The following TSNARE1 variants were observed in gnomAD, a reference collection of about 807,000 sequenced individuals.
TSNARE1 encodes t-SNARE domain containing 1, also known as t-SNARE domain-containing protein 1.
Under a neutral mutation model 62.0 loss-of-function variants are expected in TSNARE1, and 49 were observed. The ratio of observed to expected loss-of-function variants is 0.79; its 90% CI spans 0.63 to 1.00. The LOEUF is 1.00. TSNARE1 is among the 50% of genes least tolerant of loss of function. The pLI is 0.00. For missense variants in TSNARE1, 755 were observed against 700.1 expected (o/e 1.08, Z -0.88); for synonymous variants, 328 against 294.4 (o/e 1.11, Z -1.17).
At chr8:142,390,675 G>A (rs1372112080) in intron 1 of TSNARE1, among the ~76,000 whole-genome samples, 1 of 4,644 alleles carries the variant, frequency 2.2e-4, no homozygotes, top group Non-Finnish European at 4.1e-4. Context: ...GGGGGACTCC[G>A]TAACAGACGC....
At chr8:142,212,513 A>G (rs1412227161) in intron 13 of TSNARE1, among the ~76,000 whole-genome samples, 200 bp from the exon 14 acceptor site, 1 of 151,952 alleles carries the variant, frequency 6.6e-6, no homozygotes, top group East Asian at 1.9e-4. Flanking sequence ...GTCAGGCTCC[A>G]CGCAGGCCTC....
chr8:142,375,738 C>T (rs13256100), intron 1 of TSNARE1, among the ~76,000 whole-genome samples: 1,689 of 152,340 alleles, frequency 0.011, 15 homozygotes, highest in African/African-American at 0.025. Flanking sequence ...CCAAACTCCC[C>T]GCACAGAGAC....
chr8:142,300,289 C>T (rs1825493270), intron 10 of TSNARE1, 197 bp downstream of exon 10: 2 of 575,514 alleles, frequency 3.5e-6, no homozygotes, highest in Non-Finnish European at 5.8e-6. Context: ...GATGGGGCTC[C>T]CAGACTCCCG....
At chr8:142,332,454 G>A (rs1831194298) in intron 4 of TSNARE1, among the ~76,000 whole-genome samples, 1 of 149,486 alleles carries the variant, frequency 6.7e-6, no homozygotes, top group Admixed American at 6.6e-5. Context: ...TTTTGGGGGT[G>A]ATGGAAACAT....
intron 2 of TSNARE1, among the ~76,000 whole-genome samples, chr8:142,351,639 G>A (rs983895624): frequency 2.0e-5 from 3 of 152,112 alleles, no homozygotes; most frequent in Non-Finnish European, 4.4e-5. Flanking sequence ...ACATCAAACC[G>A]CCAAACATAC....
rs73370368 is a variant in TSNARE1 at position 142,337,404 on chromosome 8, G to A, written c.746-5573C>T. 7.9e-3 allele frequency among the ~76,000 whole-genome samples: 1,204 copies of A among 152,290 alleles called. 15 individuals are homozygous for A. Among genetic ancestry groups the A allele is most frequent in the Middle Eastern group, 0.027 (8 of 294 alleles). On this transcript the variant is annotated intron_variant, in intron 4 of 13. Coordinates refer to ENST00000524325, the MANE Select transcript of TSNARE1 (RefSeq NM_145003.5). ...ACAGAAATGCTCACAGCCTCTTTCC[G>A]CCTAACAGCCAAAAGCTGGAGAACG...
chr8:142,313,168 G>T (rs1827887974), intron 9 of TSNARE1, among the ~76,000 whole-genome samples: 1 of 150,930 alleles, frequency 6.6e-6, no homozygotes, highest in Non-Finnish European at 1.5e-5. Flanking sequence ...CTGTGTCTCT[G>T]TGTGTTTATC....
intron 6 of TSNARE1, chr8:142,326,072 G>T (rs1161883670): frequency 5.9e-6 from 1 of 169,090 alleles, no homozygotes; most frequent in African/African-American, 2.6e-5. Flanking sequence ...TGAAGGCCCC[G>T]GAGAGCACGA....
At chr8:142,308,011 T>C (rs1050461777) in intron 9 of TSNARE1, among the ~76,000 whole-genome samples, 2 of 152,214 alleles carry the variant, frequency 1.3e-5, no homozygotes, top group African/African-American at 2.4e-5. Flanking sequence ...ATCACAGGCT[T>C]ATGAGCCAAC....
rs545687689 is a variant in TSNARE1 at position 142,361,274 on chromosome 8, G to A, written c.-39-6511C>T. ...TCCAGATGGGGACAGACGGGAAAGC[G>A]GCATCGTGCTTGTCCCATGGGGGAG... On this transcript the variant is annotated intron_variant, in intron 1 of 13. Coordinates refer to ENST00000524325, the MANE Select transcript of TSNARE1 (RefSeq NM_145003.5). Among the ~76,000 whole-genome samples the A allele has an allele frequency of 7.9e-5, 12 of 152,356 alleles. No homozygotes were observed. In the East Asian group the frequency reaches 1.4e-3, roughly 17 times the overall value.
intron 4 of TSNARE1, among the ~76,000 whole-genome samples, chr8:142,332,032 A>G (rs1169408673): frequency 6.6e-6 from 1 of 152,208 alleles, no homozygotes; most frequent in East Asian, 1.9e-4. Flanking sequence ...AGTACCTTCA[A>G]GCTGGAAGGA....
intron 13 of TSNARE1, among the ~76,000 whole-genome samples, chr8:142,223,778 G>A (rs918550262): frequency 3.9e-5 from 6 of 152,224 alleles, no homozygotes; most frequent in African/African-American, 9.6e-5. Context: ...GCAGGTGCAG[G>A]GGCTTGGGTC....
intron 1 of TSNARE1, among the ~76,000 whole-genome samples, chr8:142,357,750 CA>C (rs1834857251): frequency 6.6e-6 from 1 of 152,202 alleles, no homozygotes; most frequent in South Asian, 2.1e-4. Context: ...GGGCTACATG[CA>C]GAACGCGAGT....
At chr8:142,280,249 G>A (rs1821197794) in intron 11 of TSNARE1, 2 of 985,378 alleles carry the variant, frequency 2.0e-6, no homozygotes, top group Non-Finnish European at 2.4e-6. Context: ...GCCCGGCCCG[G>A]CACCCAGCAG....
At chr8:142,288,688 G>C (rs1212505041) in intron 10 of TSNARE1, among the ~76,000 whole-genome samples, 1 of 152,268 alleles carries the variant, frequency 6.6e-6, no homozygotes, top group African/African-American at 2.4e-5. Context: ...GGGGGTGGGG[G>C]CATGTTCTCT....
intron 1 of TSNARE1, among the ~76,000 whole-genome samples, chr8:142,398,528 C>T (rs1838062528): frequency 6.6e-6 from 1 of 152,086 alleles, no homozygotes; most frequent in South Asian, 2.1e-4. Context: ...TCTCCACCTC[C>T]TCACTCCACC....
intron 11 of TSNARE1, among the ~76,000 whole-genome samples, chr8:142,282,750 A>AAGGCGGGGTCAGTGTCTGCCAATGAGCAG (rs1460821227): frequency 1.1e-5 from 1 of 89,726 alleles, no homozygotes; most frequent in African/African-American, 4.5e-5. Context: ...TCTAAGGGCA[A>AAGGCGGGGTCAGTGTCTGCCAATGAGCAG]AGGCGGGGTC....
chr8:142,251,693 C>T (rs113270066), intron 12 of TSNARE1, among the ~76,000 whole-genome samples: 2,974 of 151,890 alleles, frequency 0.02, 82 homozygotes, highest in African/African-American at 0.061. Flanking sequence ...CCACCGCCCG[C>T]GTTCTCTATC....
At chr8:142,265,808 C>T (rs983301290) in intron 12 of TSNARE1, among the ~76,000 whole-genome samples, 1 of 152,210 alleles carries the variant, frequency 6.6e-6, no homozygotes, top group Admixed American at 6.5e-5. Context: ...ATGTGTATTT[C>T]CCTCATGGCT....
Sources: gnomAD v4.1 joint callset for allele counts (sites outside exome capture counted in the v4.1 genomes callset) on GRCh38, gnomAD v4.1.1 for gene constraint, MANE v1.5 for transcripts, NCBI Gene and HGNC (gene_info 2026-07-23, HGNC 2026-07-21) for gene names.